Variants in CLSTN1 observed in about 807,000 individuals in gnomAD.
The protein encoded by CLSTN1 is calsyntenin 1, also known as calsyntenin-1.
CLSTN1 carries 28 observed loss-of-function variants against 108.3 expected under a neutral mutation model. The observed-to-expected ratio is 0.26, with a 90% CI of 0.19 to 0.35. The LOEUF (loss-of-function observed/expected upper bound fraction) is 0.35. CLSTN1 is among the 10% of genes least tolerant of loss of function. CLSTN1 has a pLI of 1.00. For missense variants in CLSTN1, 1,157 were observed against 1,302.6 expected (o/e 0.89, Z 1.72); for synonymous variants, 524 against 534.9 (o/e 0.98, Z 0.28).
chr1:9,761,087 C>T (rs1652049862), intron 2 of CLSTN1, among the ~76,000 whole-genome samples: 1 of 152,096 alleles, frequency 6.6e-6, no homozygotes, highest in South Asian at 2.1e-4. Context: ...GTTTCCCAGA[C>T]AACCTCTCCA....
intron 4 of CLSTN1, 129 bp from the exon 5 acceptor site, chr1:9,751,810 A>G (rs1167829210): frequency 4.1e-6 from 3 of 725,118 alleles, no homozygotes; most frequent in Non-Finnish European, 6.8e-6. Context: ...ACCTTGTTTC[A>G]TGAAATTCAT....
chr1:9,793,353 A>G (rs1653851459), intron 1 of CLSTN1, among the ~76,000 whole-genome samples: 1 of 151,336 alleles, frequency 6.6e-6, no homozygotes, highest in Admixed American at 6.7e-5. Flanking sequence ...ATCAAACCTC[A>G]GATAGTAAAG....
rs575821065 is a variant in CLSTN1 at position 9,754,899 on chromosome 1, T to C, written c.440+215A>G. On this transcript the variant is annotated intron_variant, in intron 4 of 18. Coordinates refer to ENST00000377298, the MANE Select transcript of CLSTN1 (RefSeq NM_001009566.3). Reference sequence around the variant, plus strand: ...ACCCCAAAAAACCTAATATGCCTAATGTGAGCAAGGCTCTTGCTAGAAACT... The same window carrying C: ...ACCCCAAAAAACCTAATATGCCTAACGTGAGCAAGGCTCTTGCTAGAAACT... Among the ~76,000 whole-genome samples the C allele has an allele frequency of 2.0e-5, 3 of 152,264 alleles. No individual in the cohort carries two copies. The East Asian group carries it at 5.8e-4, about 29-fold the overall frequency.
intron 2 of CLSTN1, among the ~76,000 whole-genome samples, chr1:9,758,005 G>C (rs921841696): frequency 2.1e-5 from 3 of 143,880 alleles, no homozygotes; most frequent in African/African-American, 8.1e-5. Context: ...TGTTTGTTTT[G>C]GGGGGGGGTG....
At chr1:9,797,609 C>T (rs1475025236) in intron 1 of CLSTN1, among the ~76,000 whole-genome samples, 1 of 151,976 alleles carries the variant, frequency 6.6e-6, no homozygotes, top group African/African-American at 2.4e-5. Context: ...CTACTGCACC[C>T]CAGTCTGGGT....
At chr1:9,774,748 TC>T (rs1431426651) in intron 1 of CLSTN1, among the ~76,000 whole-genome samples, 1 of 148,810 alleles carries the variant, frequency 6.7e-6, no homozygotes, top group African/African-American at 2.5e-5. Flanking sequence ...GTCCACAGAG[TC>T]AAGTGAAAGC....
chr1:9,791,445 G>C (rs1295565699), intron 1 of CLSTN1, among the ~76,000 whole-genome samples: 1 of 151,462 alleles, frequency 6.6e-6, no homozygotes, highest in African/African-American at 2.4e-5. Context: ...TATTGCCCAG[G>C]CTGGTCTCGA....
chr1:9,802,592 T>C (rs1258531215), intron 1 of CLSTN1, among the ~76,000 whole-genome samples: 3 of 152,174 alleles, frequency 2.0e-5, no homozygotes, highest in Non-Finnish European at 2.9e-5. Flanking sequence ...CCCAAATGTA[T>C]GCTTTCTGAA....
At chr1:9,731,653 A>G in intron 17 of CLSTN1, 108 bp downstream of exon 17, 3 of 1,159,800 alleles carry the variant, frequency 2.6e-6, no homozygotes, top group Non-Finnish European at 3.8e-6. Flanking sequence ...TAATTGGGAC[A>G]GGGAAAGACC....
chr1:9,731,334 T>C lies in CLSTN1; in HGVS notation c.2620A>G (p.Met874Val), dbSNP rs748957553. 9.3e-6 allele frequency: 15 copies of C among 1,614,228 alleles called. No individual in the cohort carries two copies. The South Asian group carries it at 1.5e-4, about 17-fold the overall frequency. The change falls in exon 18 of 19, where the codon ATG (methionine) becomes GTG (valine). Residue 874 changes from methionine to valine, a missense_variant. Coordinates refer to ENST00000377298, the MANE Select transcript of CLSTN1 (RefSeq NM_001009566.3). Reference protein sequence around the residue: ...IVVCVSFLVFMIILGVFRIRA... With the variant: ...IVVCVSFLVFVIILGVFRIRA... ...ATCCGAAATACCCCCAGGATAATCA[T>C]GAACACCAGGAAGCTGACGCACACC...
At chr1:9,801,365 A>C (rs772050411) in intron 1 of CLSTN1, among the ~76,000 whole-genome samples, 1 of 152,232 alleles carries the variant, frequency 6.6e-6, no homozygotes, top group Non-Finnish European at 1.5e-5. Flanking sequence ...AGAAAAAGCA[A>C]ACAATCTAAA....
chr1:9,807,701 C>A (rs1654565896), intron 1 of CLSTN1, among the ~76,000 whole-genome samples: 1 of 152,222 alleles, frequency 6.6e-6, no homozygotes, highest in African/African-American at 2.4e-5. Context: ...GGGCCCACCG[C>A]CCCCGGTTGT....
intron 1 of CLSTN1, among the ~76,000 whole-genome samples, chr1:9,787,092 A>G (rs1410396244): frequency 1.3e-5 from 2 of 151,112 alleles, no homozygotes; most frequent in African/African-American, 4.8e-5. Context: ...ACTGCAGTTT[A>G]GAGTCTAGGT....
chr1:9,733,170 G>GA (rs1488986599), intron 16 of CLSTN1, among the ~76,000 whole-genome samples: 2 of 152,126 alleles, frequency 1.3e-5, no homozygotes, highest in Non-Finnish European at 2.9e-5. Context: ...GGCAGCCAGG[G>GA]AAAGGGGAGC....
At chr1:9,780,992 G>T in intron 1 of CLSTN1, 1 of 477,350 alleles carries the variant, frequency 2.1e-6, no homozygotes, top group South Asian at 2.9e-5. Context: ...TGTCATGTCG[G>T]TGCTTAAAAA....
At chr1:9,735,390 G>A in intron 13 of CLSTN1, 77 bp downstream of exon 13, 1 of 1,580,634 alleles carries the variant, frequency 6.3e-7, no homozygotes, top group Non-Finnish European at 8.7e-7. Context: ...TTACAGAAGG[G>A]GTTAGGCTGT....
At chr1:9,779,223 G>A (rs562973046) in intron 1 of CLSTN1, among the ~76,000 whole-genome samples, 109 of 152,236 alleles carry the variant, frequency 7.2e-4, no homozygotes, top group Non-Finnish European at 1.3e-3. Context: ...TTGCAATCAG[G>A]TTGAACACTT....
Position 9,756,525 on chromosome 1 carries a change from G to GATAAGCCCATGTCAGT in CLSTN1, c.215-31_215-16dup. The GATAAGCCCATGTCAGT allele has an allele frequency of 6.2e-7, 1 of 1,610,756 alleles. No individual in the cohort carries two copies. The highest frequency in any genetic ancestry group is 8.5e-7 in the Non-Finnish European group (1 of 1,177,374). ...CTCAAAACTCTCTAAAGGGAGAAAA[G>GATAAGCCCATGTCAGT]ATAAGCCCATGTCAGTAATACAGGA... is the stretch of plus-strand genomic sequence containing the variant. On this transcript the variant is annotated splice_polypyrimidine_tract_variant and intron_variant, in intron 2 of 18. Transcript: ENST00000377298.
intron 2 of CLSTN1, among the ~76,000 whole-genome samples, chr1:9,763,314 C>T (rs1160758201): frequency 1.3e-5 from 2 of 152,194 alleles, no homozygotes; most frequent in Non-Finnish European, 2.9e-5. Flanking sequence ...GAGTTACGCT[C>T]TCGCAAGTTC....
Sources: gnomAD v4.1 joint callset for allele counts (sites outside exome capture counted in the v4.1 genomes callset) on GRCh38, gnomAD v4.1.1 for gene constraint, MANE v1.5 for transcripts, NCBI Gene and HGNC (gene_info 2026-07-23, HGNC 2026-07-21) for gene names.